Variants in WWC2 observed in about 807,000 individuals in gnomAD.
WWC2 encodes WW and C2 domain containing 2, also known as protein WWC2.
Under a neutral mutation model 138.5 loss-of-function variants are expected in WWC2, and 101 were observed. That is an observed-to-expected ratio of 0.73 (90% CI 0.62 to 0.86). The LOEUF is 0.86. Among genes scored for constraint, WWC2 ranks in the 40% least tolerant of loss-of-function variants. The pLI, the probability that WWC2 is intolerant of heterozygous loss-of-function variation, is 0.00. For synonymous variants in WWC2, 558 were observed against 538.4 expected (o/e 1.04, Z -0.50); for missense variants, 1,420 against 1,419.4 (o/e 1.00, Z -0.01).
At chr4:183,236,453 C>T (rs1041886788) in intron 4 of WWC2, among the ~76,000 whole-genome samples, 1 of 152,048 alleles carries the variant, frequency 6.6e-6, no homozygotes, top group African/African-American at 2.4e-5. Context: ...ACAGAAACAG[C>T]GAGATTGGTT....
intron 7 of WWC2, among the ~76,000 whole-genome samples, chr4:183,249,338 T>G (rs1479666568): frequency 6.6e-6 from 1 of 152,238 alleles, no homozygotes; most frequent in Non-Finnish European, 1.5e-5. Context: ...TTGGCTATTG[T>G]TAACTATTTT....
intron 22 of WWC2, among the ~76,000 whole-genome samples, chr4:183,313,637 A>G (rs949059496): frequency 7.9e-5 from 12 of 152,066 alleles, no homozygotes; most frequent in South Asian, 2.1e-4. Context: ...CTCATCTTCA[A>G]TGCATTGGTC....
intron 4 of WWC2, among the ~76,000 whole-genome samples, chr4:183,227,045 A>C (rs1027009662): frequency 1.3e-5 from 2 of 152,034 alleles, no homozygotes; most frequent in Non-Finnish European, 1.5e-5. Context: ...GGACTCAGAC[A>C]GTCACTAAAC....
chr4:183,123,780 TATG>T (rs1054405255), intron 1 of WWC2, among the ~76,000 whole-genome samples: 1 of 152,192 alleles, frequency 6.6e-6, no homozygotes, highest in African/African-American at 2.4e-5. Flanking sequence ...ACACTATTAA[TATG>T]ATGAATTTTA....
chr4:183,258,394 A>T (rs909445016), intron 9 of WWC2, among the ~76,000 whole-genome samples: 4 of 152,238 alleles, frequency 2.6e-5, no homozygotes, highest in Non-Finnish European at 4.4e-5. Context: ...TTTTAGTTTA[A>T]CATATAATGG....
intron 1 of WWC2, among the ~76,000 whole-genome samples, chr4:183,113,412 CCAT>C (rs985539083): frequency 2.0e-5 from 3 of 151,568 alleles, no homozygotes; most frequent in Non-Finnish European, 4.4e-5. Context: ...GCCTTGTAGA[CCAT>C]CAAGATTTTA....
At chr4:183,113,169 G>C (rs1252877228) in intron 1 of WWC2, among the ~76,000 whole-genome samples, 1 of 151,910 alleles carries the variant, frequency 6.6e-6, no homozygotes, top group African/African-American at 2.4e-5. Context: ...CTACTTGAGA[G>C]GTTGAGGCAG....
At chr4:183,176,449 G>T (rs1734470230) in intron 1 of WWC2, among the ~76,000 whole-genome samples, 1 of 152,032 alleles carries the variant, frequency 6.6e-6, no homozygotes, top group South Asian at 2.1e-4. Flanking sequence ...TTGAGACGCA[G>T]TATCACTCTG....
At chr4:183,129,758 C>T (rs1732865327) in intron 1 of WWC2, among the ~76,000 whole-genome samples, 1 of 152,158 alleles carries the variant, frequency 6.6e-6, no homozygotes, top group African/African-American at 2.4e-5. Flanking sequence ...GTACTTATTA[C>T]ATTTAGTTTA....
chr4:183,187,224 T>A (rs1219105044), intron 1 of WWC2, among the ~76,000 whole-genome samples: 1 of 151,990 alleles, frequency 6.6e-6, no homozygotes, highest in Non-Finnish European at 1.5e-5. Context: ...AACACAAAAT[T>A]CTGGATGTGT....
intron 21 of WWC2, among the ~76,000 whole-genome samples, chr4:183,301,770 G>A (rs1356780855): frequency 6.6e-6 from 1 of 152,206 alleles, no homozygotes; most frequent in Non-Finnish European, 1.5e-5. Flanking sequence ...TTCAGGTGAT[G>A]CAGAACTATA....
At chr4:183,250,337 T>A (rs1423364445) in intron 8 of WWC2, among the ~76,000 whole-genome samples, 4 of 152,154 alleles carry the variant, frequency 2.6e-5, no homozygotes, top group African/African-American at 9.7e-5. Flanking sequence ...TATGATACAG[T>A]GGTTCAGGTA....
chr4:183,109,180 A>C (rs1338258123), intron 1 of WWC2, among the ~76,000 whole-genome samples: 5 of 152,224 alleles, frequency 3.3e-5, no homozygotes, highest in Non-Finnish European at 7.3e-5. Flanking sequence ...AATGGGTTTT[A>C]AATCATGAAA....
chr4:183,146,876 C>T lies in WWC2; in HGVS notation c.132-46723C>T, dbSNP rs113970812. Among the ~76,000 whole-genome samples the T allele has an allele frequency of 7.8e-3, 1,194 of 152,306 alleles. 18 individuals carry two copies. Among genetic ancestry groups the T allele is most frequent in the African/African-American group, 0.027 (1,131 of 41,558 alleles). ...GAGAAGGAGACAGGTAAGCAAGGAT[C>T]AGAAAATGGGATCCTTAGTCAATCA... On this transcript the variant is annotated intron_variant, in intron 1 of 22. Transcript: ENST00000403733.
At chr4:183,266,349 G>A (rs1427907504) in intron 14 of WWC2, among the ~76,000 whole-genome samples, 5 of 152,132 alleles carry the variant, frequency 3.3e-5, no homozygotes, top group African/African-American at 4.8e-5. Context: ...GTACAACATT[G>A]CCAGTCAAAC....
At chr4:183,248,993 G>T (rs563930134) in intron 7 of WWC2, 133 bp downstream of exon 7, 2 of 917,340 alleles carry the variant, frequency 2.2e-6, no homozygotes, top group Admixed American at 3.2e-5. Flanking sequence ...TTCCATTTTC[G>T]TAAGATTAGT....
chr4:183,256,914 C>CT (rs1737168319), intron 9 of WWC2, among the ~76,000 whole-genome samples: 1 of 130,366 alleles, frequency 7.7e-6, no homozygotes, highest in Non-Finnish European at 1.6e-5. Context: ...GGCTCTGTTC[C>CT]TGCCCCCACA....
intron 10 of WWC2, among the ~76,000 whole-genome samples, 153 bp from the exon 11 acceptor site, chr4:183,260,757 C>T (rs1232310584): frequency 6.6e-6 from 1 of 152,224 alleles, no homozygotes; most frequent in East Asian, 1.9e-4. Flanking sequence ...AACTGACACA[C>T]GGCCGTAATA....
Position 183,207,904 on chromosome 4 carries a change from G to A in WWC2, c.242-49G>A, listed in dbSNP as rs78173565. 1,660 of 1,504,652 alleles carry A rather than the reference G, an allele frequency of 1.1e-3. 18 individuals carry two copies. The African/African-American group carries it at 0.02, about 18-fold the overall frequency. The allele number at this position is 1,504,652 out of a possible 1,614,324, so 93.2% of individuals were successfully genotyped here. A position where few individuals can be genotyped will look rare whatever the true frequency, so the allele number is the denominator to read the frequency against. ...CTACTCCCTAAAGCTTAAACAAGCC[G>A]GAAAACAAAGTTAAATTCTAAAAAG... On this transcript the variant is annotated intron_variant, in intron 2 of 22. Coordinates refer to ENST00000403733, the MANE Select transcript of WWC2 (RefSeq NM_024949.6).
Sources: gnomAD v4.1 joint callset for allele counts (sites outside exome capture counted in the v4.1 genomes callset) on GRCh38, gnomAD v4.1.1 for gene constraint, MANE v1.5 for transcripts, NCBI Gene and HGNC (gene_info 2026-07-23, HGNC 2026-07-21) for gene names.